The following ATAD3B variants were observed in gnomAD, a reference collection of about 807,000 sequenced individuals.
ATAD3B encodes the protein ATPase family AAA domain-containing protein 3B.
Under a neutral mutation model 70.2 loss-of-function variants are expected in ATAD3B, and 59 were observed. The ratio of observed to expected loss-of-function variants is 0.84; its 90% confidence interval spans 0.68 to 1.04. The LOEUF is 1.04. Among genes scored for constraint, ATAD3B ranks in the 50% least tolerant of loss-of-function variants. The probability of loss-of-function intolerance (pLI) is 0.00; values close to 1 mark genes in which losing one functional copy is unlikely to be tolerated. For missense variants in ATAD3B, 961 were observed against 913.4 expected (o/e 1.05, Z -0.67); for synonymous variants, 423 against 388.6 (o/e 1.09, Z -1.04).
chr1:1,484,734 G>C, intron 7 of ATAD3B: 2 of 712,236 alleles, frequency 2.8e-6, no homozygotes, highest in Non-Finnish European at 4.3e-6. Context: ...ATCCAGCTGG[G>C]TCTGCCCAGG....
chr1:1,507,248 G>A, the ATAD3B span, among the ~76,000 whole-genome samples: 1 of 152,156 alleles, frequency 6.6e-6, no homozygotes, highest in African/African-American at 2.4e-5. Context: ...TTCTTGCCTG[G>A]TTCCTTACTC....
chr1:1,499,431 T>C (rs556149684), downstream of ATAD3B, among the ~76,000 whole-genome samples: 1 of 150,844 alleles, frequency 6.6e-6, no homozygotes, highest in African/African-American at 2.4e-5. Context: ...GAGAGGGGGT[T>C]ATACCATGTT....
downstream of ATAD3B, among the ~76,000 whole-genome samples, chr1:1,500,319 G>A (rs1183138183): frequency 1.3e-5 from 2 of 150,742 alleles, no homozygotes; most frequent in Admixed American, 6.6e-5. Flanking sequence ...TTGGGAGGCC[G>A]AGGCGGGCAG....
rs756775187 is a variant in ATAD3B at position 1,495,592 on chromosome 1, G to A, written c.1722G>A (p.Ala574=). ...GACAGAAGATGCGCTGGCTGAAGGC[G>A]GAGGGGCCTGGGCGCGGGGTCGAGC... ...QYRQKMRWLK[A]EGPGRGVEHP... The change falls in exon 16 of 16, where the codon GCG becomes GCA. Residue 574 remains alanine, a synonymous_variant. Coordinates refer to ENST00000673477, the MANE Select transcript of ATAD3B (RefSeq NM_031921.6). 3.1e-5 allele frequency: 50 copies of A among 1,613,062 alleles called. 1 individual carries two copies. The highest frequency in any genetic ancestry group is 1.6e-4 in the Middle Eastern group (1 of 6,084).
At position 1,490,275 on chromosome 1, in the gene ATAD3B, C is replaced by T. The variant is rs748870883; in HGVS notation, c.1356C>T (p.Ala452=). 5 of 1,612,884 alleles carry T rather than the reference C, an allele frequency of 3.1e-6. No individual in the cohort carries two copies. The highest frequency in any genetic ancestry group is 4.2e-6 in the Non-Finnish European group (5 of 1,179,544). ...CCTACAGATTCATGCTGGTCCTGGC[C>T]AGCAATCTGCCTGAGCAGTTCGACT... ...QHSNKFMLVL[A]SNLPEQFDCA... Residue 452 remains alanine (A), a synonymous_variant, in exon 14 of 16, where the codon GCC becomes GCT. Transcript: ENST00000673477.
downstream of ATAD3B, among the ~76,000 whole-genome samples, chr1:1,499,279 CTTT>C (rs752359726): frequency 2.1e-4 from 24 of 113,814 alleles, no homozygotes; most frequent in Admixed American, 2.8e-4. Context: ...CCTGGAATAC[CTTT>C]TTTTTTTTTT....
chr1:1,488,240 T>G (rs772595936), intron 12 of ATAD3B, among the ~76,000 whole-genome samples: 6 of 151,862 alleles, frequency 4.0e-5, no homozygotes, highest in Non-Finnish European at 5.9e-5. Flanking sequence ...ACATGCGTGA[T>G]CCACCACGCC....
chr1:1,479,609 C>A (rs1429969108), intron 4 of ATAD3B, among the ~76,000 whole-genome samples: 1 of 145,374 alleles, frequency 6.9e-6, no homozygotes, highest in African/African-American at 2.6e-5. Context: ...TGCACATACA[C>A]CCCCACACAG....
At chr1:1,479,378 A>AGGTG (rs1639775393) in intron 4 of ATAD3B, among the ~76,000 whole-genome samples, 1 of 146,104 alleles carries the variant, frequency 6.8e-6, no homozygotes, top group Non-Finnish European at 1.5e-5. Flanking sequence ...ACAGGCACAC[A>AGGTG]CACCCCTGCA....
chr1:1,496,207 C>T lies in ATAD3B; in HGVS notation c.*390C>T, dbSNP rs1032192727. ...TAAAGTCCCACAGGTGCCTCACCGC[C>T]GTGTCTCTCTATTGACTGACACTGC... is the stretch of plus-strand genomic sequence containing the variant. On this transcript the variant is annotated 3_prime_UTR_variant, in exon 16 of 16. Transcript: ENST00000673477. 6.9e-6 allele frequency: 7 copies of T among 1,013,556 alleles called. No homozygotes were observed. The South Asian group carries it at 1.3e-4, about 19-fold the overall frequency. The allele number at this position is 1,013,556 out of a possible 1,614,324, so 62.8% of individuals were successfully genotyped here. A position where few individuals can be genotyped will look rare whatever the true frequency, so the allele number is the denominator to read the frequency against.
intron 7 of ATAD3B, chr1:1,484,760 C>CTA: frequency 2.9e-6 from 3 of 1,046,982 alleles, no homozygotes; most frequent in Non-Finnish European, 4.0e-6. Context: ...GCTCAGCGAC[C>CTA]GAGGCTTTCT....
In ATAD3B at chr1:1,496,016, C is replaced by A; in HGVS notation, c.*199C>A. On this transcript the variant is annotated 3_prime_UTR_variant, in exon 16 of 16. Coordinates refer to ENST00000673477, the MANE Select transcript of ATAD3B (RefSeq NM_031921.6). ...GGGTCTTTGTTCTCGGCTCCCACAGCAGAGCCAGGTGAGGGGGGGCCTGCC... is the reference window on the plus strand; with the variant it reads ...GGGTCTTTGTTCTCGGCTCCCACAGAAGAGCCAGGTGAGGGGGGGCCTGCC... 1.5e-6 allele frequency: 2 copies of A among 1,338,392 alleles called. No individual in the cohort carries two copies. Among genetic ancestry groups the A allele is most frequent in the Non-Finnish European group, 1.9e-6 (2 of 1,045,970 alleles). 82.9% of individuals were successfully genotyped at this position (1,338,392 alleles called of 1,614,324 possible).
Position 1,490,240 on chromosome 1 carries a change from C to G in ATAD3B, c.1338-17C>G. ...GCTGGCAGCCCCAGCGTTTCCTTCC[C>G]CATCCCTGTCCTACAGATTCATGCT... On this transcript the variant is annotated splice_polypyrimidine_tract_variant and intron_variant, in intron 13 of 15. Transcript: ENST00000673477. 6.2e-7 allele frequency: 1 copy of G among 1,606,098 alleles called. No individual in the cohort carries two copies. The highest frequency in any genetic ancestry group is 1.1e-5 in the South Asian group (1 of 90,738).
chr1:1,490,942 G>A (rs892598988), intron 15 of ATAD3B, among the ~76,000 whole-genome samples: 19 of 152,094 alleles, frequency 1.2e-4, no homozygotes, highest in South Asian at 6.3e-4. Context: ...CCAGGTGCCC[G>A]GGCTCTGCTG....
intron 1 of ATAD3B, among the ~76,000 whole-genome samples, chr1:1,473,456 G>A (rs1639435175): frequency 6.6e-6 from 1 of 150,994 alleles, no homozygotes; most frequent in South Asian, 2.1e-4. Context: ...CACCCGCCTC[G>A]GCCTCCCAAA....
At chr1:1,504,690 C>G in the ATAD3B span, among the ~76,000 whole-genome samples, 1 of 151,900 alleles carries the variant, frequency 6.6e-6, no homozygotes, top group African/African-American at 2.4e-5. Flanking sequence ...GTGTGGTCGA[C>G]TGCTGGGCCT....
At chr1:1,477,232 C>CTG in intron 1 of ATAD3B, 42 bp from the exon 2 acceptor site, 1 of 1,607,858 alleles carries the variant, frequency 6.2e-7, no homozygotes, top group Non-Finnish European at 8.5e-7. Flanking sequence ...CTTTGGTATC[C>CTG]GTGTATCCTA....
intron 8 of ATAD3B, among the ~76,000 whole-genome samples, chr1:1,485,483 G>A (rs1401099137): frequency 3.9e-5 from 6 of 151,952 alleles, no homozygotes; most frequent in Non-Finnish European, 7.3e-5. Context: ...TACAGGCCAT[G>A]GCGTCTGGTG....
chr1:1,509,428 A>G, the ATAD3B span: 5 of 1,598,566 alleles, frequency 3.1e-6, no homozygotes, highest in Non-Finnish European at 4.3e-6. Flanking sequence ...CCGCACATTT[A>G]GGAAATACTC....
Sources: gnomAD v4.1 joint callset for allele counts (sites outside exome capture counted in the v4.1 genomes callset) on GRCh38, gnomAD v4.1.1 for gene constraint, MANE v1.5 for transcripts, NCBI Gene and HGNC (gene_info 2026-07-23, HGNC 2026-07-21) for gene names.